The following ADCY1 variants were observed in gnomAD, a reference collection of about 807,000 sequenced individuals.
ADCY1 encodes adenylate cyclase type 1.
In ADCY1, 28 loss-of-function variants were observed where a neutral mutation model predicts 105.4. That is an observed-to-expected ratio of 0.27 (90% CI 0.20 to 0.36). The LOEUF is 0.36. Among genes scored for constraint, ADCY1 ranks in the 10% least tolerant of loss-of-function variants. ADCY1 has a pLI of 1.00. For synonymous variants in ADCY1, 655 were observed against 623.8 expected (o/e 1.05, Z -0.75); for missense variants, 977 against 1,434.2 (o/e 0.68, Z 5.15).
At position 45,641,932 on chromosome 7, in the gene ADCY1, CAAA is replaced by C. The variant is rs56808890; in HGVS notation, c.1021-6726_1021-6724del. Among the ~76,000 whole-genome samples the C allele has an allele frequency of 8.2e-5, 3 of 36,402 alleles. No homozygotes were observed. The Admixed American group carries it at 1.1e-3, about 13-fold the overall frequency. The allele number at this position is 36,402 out of a possible 152,430, so 23.9% of individuals were successfully genotyped here. A position where few individuals can be genotyped will look rare whatever the true frequency, so the allele number is the denominator to read the frequency against. On this transcript the variant is annotated intron_variant, in intron 4 of 19. Transcript: ENST00000297323. ...TGGGCGACAGAGCGAGACTCCGTCT[CAAA>C]AAAAAAAAAAATGTCTTTTCATCCT...
Position 45,574,927 on chromosome 7 carries a change from C to T in ADCY1, c.384C>T (p.Leu128=). The change falls in exon 1 of 20, where the codon CTC becomes CTT. Residue 128 remains leucine, a synonymous_variant. Transcript: ENST00000297323. The surrounding 1 kb of genome is among the most constrained non-coding windows in gnomAD (Gnocchi z 7.0). ...AGCAGGTCGGCCAGCTGGCGCTGCT[C>T]TTCAGCCTCACCTTCGCGCTGCTCT... ...QLQQVGQLAL[L]FSLTFALLCC... 2 of 1,612,014 alleles carry T rather than the reference C, an allele frequency of 1.2e-6. No homozygotes were observed. The highest frequency in any genetic ancestry group is 1.1e-5 in the South Asian group (1 of 91,068).
intron 1 of ADCY1, among the ~76,000 whole-genome samples, chr7:45,590,112 A>T (rs1792866345): frequency 6.6e-6 from 1 of 152,072 alleles, no homozygotes; most frequent in African/African-American, 2.4e-5. Context: ...ACCGGCCGCC[A>T]ATCCCCCCAG....
At chr7:45,665,598 A>T (rs529789710) in intron 8 of ADCY1, among the ~76,000 whole-genome samples, 109 of 152,404 alleles carry the variant, frequency 7.2e-4, no homozygotes, top group African/African-American at 2.4e-3. Context: ...CACACATGAT[A>T]CAAAAATTAA....
At chr7:45,616,987 G>A (rs1584273382) in intron 3 of ADCY1, among the ~76,000 whole-genome samples, 1 of 152,208 alleles carries the variant, frequency 6.6e-6, no homozygotes, top group South Asian at 2.1e-4. Flanking sequence ...ATCCTCCCAA[G>A]TTTTGAATCC....
chr7:45,615,336 A>G (rs1793708676), intron 3 of ADCY1, among the ~76,000 whole-genome samples: 1 of 152,092 alleles, frequency 6.6e-6, no homozygotes, highest in Non-Finnish European at 1.5e-5. Flanking sequence ...GGTGGCTGAC[A>G]CCTGTAAGCC....
intron 18 of ADCY1, among the ~76,000 whole-genome samples, chr7:45,709,621 C>T (rs1785186187): frequency 6.6e-6 from 1 of 152,238 alleles, no homozygotes; most frequent in Non-Finnish European, 1.5e-5. Flanking sequence ...ATGCCAGCTC[C>T]CCACTGCCCA....
rs11972954 is a variant in ADCY1, at chr7:45,576,532, A to C, written c.639+1350A>C. On this transcript the variant is annotated intron_variant, in intron 1 of 19. Coordinates refer to ENST00000297323, the MANE Select transcript of ADCY1 (RefSeq NM_021116.4). ...AAGAGAGGAAGAGAGGTAGAGGTGAAGGGCAGAGGCACAAAAGGATGGCTA... is the reference window on the plus strand; with the variant it reads ...AAGAGAGGAAGAGAGGTAGAGGTGACGGGCAGAGGCACAAAAGGATGGCTA... Among the ~76,000 whole-genome samples, 1,141 of 152,250 alleles carry C rather than the reference A, an allele frequency of 7.5e-3. 17 individuals are homozygous for C. Among genetic ancestry groups the C allele is most frequent in the African/African-American group, 0.026 (1,096 of 41,540 alleles).
At chr7:45,635,268 CTT>C (rs1162733269) in intron 4 of ADCY1, among the ~76,000 whole-genome samples, 2 of 151,124 alleles carry the variant, frequency 1.3e-5, no homozygotes, top group Non-Finnish European at 2.9e-5. Flanking sequence ...TTTGTCTTCT[CTT>C]TGATCATTTT....
intron 1 of ADCY1, among the ~76,000 whole-genome samples, chr7:45,579,992 T>G (rs1019466544): frequency 2.1e-5 from 3 of 146,068 alleles, no homozygotes; most frequent in African/African-American, 7.5e-5. Flanking sequence ...GTTTTTCTCG[T>G]AGGGGTGGGT....
intron 4 of ADCY1, among the ~76,000 whole-genome samples, chr7:45,644,728 G>C (rs112477916): frequency 0.011 from 1,709 of 152,264 alleles, 12 homozygotes; most frequent in Non-Finnish European, 0.016. Context: ...TATTGCAGTG[G>C]ACTCTAGGTG....
chr7:45,664,436 G>A, intron 8 of ADCY1: 1 of 1,534,072 alleles, frequency 6.5e-7, no homozygotes, highest in Non-Finnish European at 8.7e-7. Flanking sequence ...CCTGCCATCA[G>A]CCCTTATCCC....
chr7:45,712,786 A>G (rs143337724), intron 19 of ADCY1, among the ~76,000 whole-genome samples: 6 of 152,312 alleles, frequency 3.9e-5, no homozygotes, highest in African/African-American at 1.4e-4. Flanking sequence ...GATACCAGTC[A>G]TGTCCTCTGT....
At chr7:45,707,349 G>A (rs1562733664) in intron 17 of ADCY1, among the ~76,000 whole-genome samples, 3 of 152,188 alleles carry the variant, frequency 2.0e-5, no homozygotes, top group Non-Finnish European at 4.4e-5. Flanking sequence ...ATATTATTAA[G>A]TGAGAAGAAA....
chr7:45,581,236 G>A (rs1272015255), intron 1 of ADCY1, among the ~76,000 whole-genome samples: 3 of 152,160 alleles, frequency 2.0e-5, no homozygotes, highest in Admixed American at 6.5e-5. Flanking sequence ...CCTGGGAGGC[G>A]TTCCCTGTCC....
intron 19 of ADCY1, among the ~76,000 whole-genome samples, chr7:45,711,627 A>ATG (rs1785233871): frequency 2.7e-5 from 1 of 36,410 alleles, no homozygotes; most frequent in African/African-American, 5.6e-5. Context: ...ATATATATAT[A>ATG]TATATATATA....
chr7:45,640,290 C>T (rs531095651), intron 4 of ADCY1, among the ~76,000 whole-genome samples: 28 of 152,288 alleles, frequency 1.8e-4, no homozygotes, highest in Non-Finnish European at 3.2e-4. Flanking sequence ...GAGCAGCTCC[C>T]GCTTAAGACA....
Position 45,622,730 on chromosome 7 carries a change from A to G in ADCY1, c.1007A>G (p.Asp336Gly). Residue 336 changes from aspartate to glycine, a missense_variant, in exon 4 of 20, where the codon GAT becomes GGT. Transcript: ENST00000297323. ...CTCAATGAGCTCTTCGGCAAGTTCG[A>G]TGAATTAGCCACGGTAAGTGCAGCG... ...KLLNELFGKFDELATENHCRR... is the reference protein window; with the variant it reads ...KLLNELFGKFGELATENHCRR... 1.2e-6 allele frequency: 2 copies of G among 1,610,362 alleles called. No homozygotes were observed. The highest frequency in any genetic ancestry group is 1.7e-6 in the Non-Finnish European group (2 of 1,179,322).
intron 14 of ADCY1, among the ~76,000 whole-genome samples, chr7:45,693,712 A>G (rs1442240255): frequency 2.0e-5 from 3 of 150,574 alleles, no homozygotes; most frequent in East Asian, 3.9e-4. Context: ...CTTGGAACCA[A>G]CCCAAATGTC....
chr7:45,708,577 C>T lies in ADCY1; in HGVS notation c.2932+113C>T. On this transcript the variant is annotated intron_variant, in intron 18 of 19. Coordinates refer to ENST00000297323, the MANE Select transcript of ADCY1 (RefSeq NM_021116.4). This position sits in a 1 kb window ranked among gnomAD's most constrained non-coding sequence, Gnocchi z 4.7. ...GGTCTTACAGGAAGGAGGGTGGTGCCACCCAGGAGGGCATGGGGACCTGTG... is the reference window on the plus strand; with the variant it reads ...GGTCTTACAGGAAGGAGGGTGGTGCTACCCAGGAGGGCATGGGGACCTGTG... 1.0e-5 allele frequency: 8 copies of T among 781,974 alleles called. No homozygotes were observed. Among genetic ancestry groups the T allele is most frequent in the Non-Finnish European group, 1.3e-5 (6 of 464,798 alleles). The allele number at this position is 781,974 out of a possible 1,614,324, so 48.4% of individuals were successfully genotyped here.
Sources: allele counts gnomAD v4.1 joint callset (sites outside exome capture counted in the v4.1 genomes callset), GRCh38; gene constraint gnomAD v4.1.1; non-coding constraint Gnocchi (gnomAD v3.1); transcripts MANE v1.5; gene names NCBI Gene and HGNC (gene_info 2026-07-23, HGNC 2026-07-21).